LRMDA: variants seen among roughly 807,000 people sequenced by gnomAD.
The protein encoded by LRMDA is leucine-rich melanocyte differentiation-associated protein.
LRMDA carries 18 observed loss-of-function variants against 29.8 expected under a neutral mutation model. The ratio of observed to expected loss-of-function variants is 0.60; its 90% confidence interval spans 0.42 to 0.90. The LOEUF (loss-of-function observed/expected upper bound fraction) is 0.90. Ranked by LOEUF, LRMDA falls within the 40% of genes least tolerant of loss-of-function variation. The probability of loss-of-function intolerance (pLI) is 0.00; values close to 1 mark genes in which losing one functional copy is unlikely to be tolerated. For synonymous variants in LRMDA, 125 were observed against 109.4 expected, an observed-to-expected ratio of 1.14 and a Z score of -0.89; for missense variants, 273 against 273.9, an observed-to-expected ratio of 1.00 and a Z score of 0.02.
chr10:75,676,202 C>T (rs1841958138), intron 2 of LRMDA, among the ~76,000 whole-genome samples: 1 of 152,186 alleles, frequency 6.6e-6, no homozygotes, highest in African/African-American at 2.4e-5. Flanking sequence ...GGCCTTACTC[C>T]TGAACACTTG....
intron 2 of LRMDA, among the ~76,000 whole-genome samples, chr10:76,004,863 G>A (rs2132472556): frequency 6.6e-6 from 1 of 152,014 alleles, no homozygotes; most frequent in Non-Finnish European, 1.5e-5. Flanking sequence ...GAGTAGCTGG[G>A]ACTACAGGCG....
At chr10:75,732,176 T>C (rs1564552216) in intron 2 of LRMDA, among the ~76,000 whole-genome samples, 1 of 152,208 alleles carries the variant, frequency 6.6e-6, no homozygotes, top group Admixed American at 6.5e-5. Context: ...ATTTGCTGAA[T>C]GATGGAATCC....
chr10:76,271,620 G>A (rs16933137), intron 5 of LRMDA, among the ~76,000 whole-genome samples: 1 of 151,910 alleles, frequency 6.6e-6, no homozygotes, highest in Non-Finnish European at 1.5e-5. Context: ...ATCTCATTTT[G>A]GCCAGAAATA....
chr10:75,857,416 G>A (rs1376868786), intron 2 of LRMDA, among the ~76,000 whole-genome samples: 2 of 152,072 alleles, frequency 1.3e-5, no homozygotes, highest in Non-Finnish European at 2.9e-5. Context: ...CCTCTTTGAG[G>A]GAAAACCTCT....
At chr10:75,973,313 A>C (rs1847011368) in intron 2 of LRMDA, among the ~76,000 whole-genome samples, 1 of 152,210 alleles carries the variant, frequency 6.6e-6, no homozygotes, top group Admixed American at 6.5e-5. Flanking sequence ...TCAAGGCCTT[A>C]AGCCATGTGC....
At chr10:76,171,982 C>G (rs947639081) in intron 5 of LRMDA, among the ~76,000 whole-genome samples, 1 of 152,094 alleles carries the variant, frequency 6.6e-6, no homozygotes, top group Admixed American at 6.5e-5. Context: ...CCTCATACTG[C>G]TCCCACTCAT....
intron 6 of LRMDA, among the ~76,000 whole-genome samples, chr10:76,413,739 G>A (rs541349869): frequency 1.6e-4 from 25 of 152,184 alleles, no homozygotes; most frequent in Non-Finnish European, 3.2e-4. Context: ...CAAAGGCAGG[G>A]ATGTCTGTCT....
rs887411772 is a variant in LRMDA at position 76,413,183 on chromosome 10, C to T, written c.601+88698C>T. The stretch of plus-strand genomic sequence containing the variant: ...TGTCTTTGAGCCCTTTCTTTCTTTT[C>T]GACACTCCTAGCCACCATGGGATCT... On this transcript the variant is annotated intron_variant, in intron 6 of 6. Coordinates refer to ENST00000611255, the MANE Select transcript of LRMDA (RefSeq NM_001305581.2). Among the ~76,000 whole-genome samples the T allele has an allele frequency of 3.9e-5, 6 of 152,162 alleles. No individual in the cohort carries two copies. In the East Asian group the frequency reaches 5.8e-4, roughly 15 times the overall value.
rs555562422 is a variant in LRMDA, at chr10:76,272,964, C to T, written c.517-51437C>T. Among the ~76,000 whole-genome samples the T allele has an allele frequency of 7.9e-5, 12 of 152,250 alleles. No homozygotes were observed. In the South Asian group the frequency reaches 2.1e-3, roughly 26 times the overall value. Reference sequence around the variant, plus strand: ...GTCACCTCCCACCGGGTCCCTCCTTCAACATGTGGGGATTACAATTCAAGA... The same window carrying T: ...GTCACCTCCCACCGGGTCCCTCCTTTAACATGTGGGGATTACAATTCAAGA... On this transcript the variant is annotated intron_variant, in intron 5 of 6. Coordinates refer to ENST00000611255, the MANE Select transcript of LRMDA (RefSeq NM_001305581.2).
chr10:76,038,622 CA>C (rs1848290194), intron 3 of LRMDA, among the ~76,000 whole-genome samples: 1 of 152,174 alleles, frequency 6.6e-6, no homozygotes, highest in Non-Finnish European at 1.5e-5. Flanking sequence ...TAAAATCAGG[CA>C]ATAACAGCAC....
chr10:75,765,220 T>A (rs1437360097), intron 2 of LRMDA, among the ~76,000 whole-genome samples: 2 of 152,096 alleles, frequency 1.3e-5, no homozygotes, highest in African/African-American at 4.8e-5. Context: ...GTGTCTTTTT[T>A]TTTTTTCTTT....
At chr10:75,664,921 C>T (rs1209172541) in intron 2 of LRMDA, among the ~76,000 whole-genome samples, 1 of 152,086 alleles carries the variant, frequency 6.6e-6, no homozygotes. Flanking sequence ...AATGGAGAAG[C>T]CAGACAGACC....
At chr10:76,232,035 G>A (rs796298266) in intron 5 of LRMDA, among the ~76,000 whole-genome samples, 5 of 152,248 alleles carry the variant, frequency 3.3e-5, no homozygotes, top group East Asian at 1.9e-4. Context: ...GTAAATGGAG[G>A]TGAAACCCAG....
chr10:76,323,705 T>C (rs560296329), intron 5 of LRMDA, among the ~76,000 whole-genome samples: 1 of 152,188 alleles, frequency 6.6e-6, no homozygotes, highest in Non-Finnish European at 1.5e-5. Flanking sequence ...CTGGGCCATC[T>C]TGGACACAGT....
At chr10:75,916,520 A>G (rs542869425) in intron 2 of LRMDA, among the ~76,000 whole-genome samples, 2 of 152,204 alleles carry the variant, frequency 1.3e-5, no homozygotes, top group Non-Finnish European at 2.9e-5. Context: ...CAGACCTGCC[A>G]TAAGGCCACA....
rs1380804299 is a variant in LRMDA at position 76,192,582 on chromosome 10, A to T, written c.517-131819A>T. Among the ~76,000 whole-genome samples the T allele has an allele frequency of 2.0e-5, 3 of 152,348 alleles. No individual in the cohort carries two copies. The East Asian group carries it at 5.8e-4, about 29-fold the overall frequency. Reference sequence around the variant, plus strand: ...TATCTCAGAAAATGAAATGGTTAAAATAGGAGGGGTATTGAAAATTGCTGT... The same window carrying T: ...TATCTCAGAAAATGAAATGGTTAAATTAGGAGGGGTATTGAAAATTGCTGT... On this transcript the variant is annotated intron_variant, in intron 5 of 6. Transcript: ENST00000611255.
chr10:75,533,159 G>A (rs1268399221), intron 2 of LRMDA, among the ~76,000 whole-genome samples: 1 of 152,222 alleles, frequency 6.6e-6, no homozygotes, highest in Non-Finnish European at 1.5e-5. Flanking sequence ...CAGAGCTGTA[G>A]AATATTCTGC....
chr10:76,178,216 T>A (rs1179665870), intron 5 of LRMDA, among the ~76,000 whole-genome samples: 1 of 152,172 alleles, frequency 6.6e-6, no homozygotes, highest in African/African-American at 2.4e-5. Context: ...CAGGCATTGC[T>A]AAGAGGTCTC....
intron 2 of LRMDA, among the ~76,000 whole-genome samples, chr10:75,581,190 C>T (rs923810584): frequency 1.3e-5 from 2 of 152,018 alleles, no homozygotes; most frequent in Admixed American, 6.6e-5. Flanking sequence ...GGCTAATACC[C>T]AGAATCTATG....
Sources: allele counts gnomAD v4.1 joint callset (sites outside exome capture counted in the v4.1 genomes callset), GRCh38; gene constraint gnomAD v4.1.1; transcripts MANE v1.5; gene names NCBI Gene and HGNC (gene_info 2026-07-23, HGNC 2026-07-21).